CNTN5: variants seen among roughly 807,000 people sequenced by gnomAD.
The protein encoded by CNTN5 is contactin 5.
Under a neutral mutation model 129.1 loss-of-function variants are expected in CNTN5, and 77 were observed. The ratio of observed to expected loss-of-function variants is 0.60; its 90% CI spans 0.50 to 0.72. CNTN5 has a LOEUF of 0.72. Among genes scored for constraint, CNTN5 ranks in the 30% least tolerant of loss-of-function variants. CNTN5 has a pLI of 0.00. For synonymous variants in CNTN5, 509 were observed against 465.6 expected, an observed-to-expected ratio of 1.09 and a Z score of -1.20; for missense variants, 1,478 against 1,328.8, an observed-to-expected ratio of 1.11 and a Z score of -1.75.
chr11:99,534,529 G>A (rs10790776), intron 2 of CNTN5, among the ~76,000 whole-genome samples: 37,751 of 151,962 alleles, frequency 0.25, 5,160 homozygotes, highest in Non-Finnish European at 0.31. Context: ...TAATTTGATG[G>A]ACAATTTATG....
chr11:99,090,795 G>C (rs562522212), intron 1 of CNTN5, among the ~76,000 whole-genome samples: 4 of 151,526 alleles, frequency 2.6e-5, no homozygotes, highest in Non-Finnish European at 5.9e-5. Context: ...GACCGAGGCG[G>C]GCGGATCACG....
chr11:99,330,588 A>G (rs11821228), intron 2 of CNTN5, among the ~76,000 whole-genome samples: 10,511 of 152,156 alleles, frequency 0.069, 1,010 homozygotes, highest in African/African-American at 0.22. Flanking sequence ...ACCTGTTAGC[A>G]GGATTCATGA....
At chr11:100,341,281 C>T (rs1952155431) in intron 23 of CNTN5, 76 bp downstream of exon 23, 1 of 1,056,672 alleles carries the variant, frequency 9.5e-7, no homozygotes, top group African/African-American at 1.6e-5. Context: ...ATTAATAAGG[C>T]ATAAAAAGAC....
chr11:99,145,262 G>C (rs1011601724), intron 1 of CNTN5, among the ~76,000 whole-genome samples: 2 of 151,966 alleles, frequency 1.3e-5, no homozygotes, highest in African/African-American at 2.4e-5. Flanking sequence ...TAGAGATCAG[G>C]TATCACTATG....
Position 100,339,039 on chromosome 11 carries a change from T to C in CNTN5, c.2731-1424T>C, listed in dbSNP as rs114248969. On this transcript the variant is annotated intron_variant, in intron 21 of 24. Coordinates refer to ENST00000524871, the MANE Select transcript of CNTN5 (RefSeq NM_014361.4). ...GCTCAACTGACAGGAGCAAGCTCTG[T>C]GCAGGGCCTGCGGCAGTGCCCAGGT... Among the ~76,000 whole-genome samples the C allele has an allele frequency of 8.0e-3, 1,211 of 151,948 alleles. 10 individuals are homozygous for C. Among genetic ancestry groups the C allele is most frequent in the African/African-American group, 0.028 (1,163 of 41,440 alleles).
intron 1 of CNTN5, among the ~76,000 whole-genome samples, chr11:99,155,910 C>T (rs758803851): frequency 1.3e-4 from 20 of 151,906 alleles, no homozygotes; most frequent in East Asian, 1.9e-4. Context: ...AGAGGAAGAA[C>T]GACTATATTA....
chr11:99,884,921 C>G (rs1411201987), intron 6 of CNTN5, among the ~76,000 whole-genome samples: 1 of 151,998 alleles, frequency 6.6e-6, no homozygotes, highest in African/African-American at 2.4e-5. Flanking sequence ...AGGTTGCAGT[C>G]AGCCGATGTA....
chr11:99,805,497 A>G (rs1440462719), intron 3 of CNTN5, among the ~76,000 whole-genome samples: 1 of 152,178 alleles, frequency 6.6e-6, no homozygotes. Context: ...TGTTAATTGA[A>G]CTATTTTCAG....
rs181877067 is a variant in CNTN5 at position 100,159,305 on chromosome 11, T to G, written c.1581-31821T>G. On this transcript the variant is annotated intron_variant, in intron 13 of 24. Coordinates refer to ENST00000524871, the MANE Select transcript of CNTN5 (RefSeq NM_014361.4). ...CCAATGTTCTAGCTCCTCACCTTCATAATGATTACATAGGTGTTCCCTTCA... is the reference window on the plus strand; with the variant it reads ...CCAATGTTCTAGCTCCTCACCTTCAGAATGATTACATAGGTGTTCCCTTCA... 2.8e-4 allele frequency among the ~76,000 whole-genome samples: 42 copies of G among 152,014 alleles called. No homozygotes were observed. The East Asian group carries it at 8.0e-3, about 29-fold the overall frequency.
At chr11:99,632,555 A>T (rs191304180) in intron 3 of CNTN5, among the ~76,000 whole-genome samples, 977 of 152,204 alleles carry the variant, frequency 6.4e-3, no homozygotes, top group Non-Finnish European at 0.01. Context: ...TGTACCCCAA[A>T]TTGATTTTTA....
intron 3 of CNTN5, among the ~76,000 whole-genome samples, chr11:99,763,805 T>C (rs1176790200): frequency 6.6e-6 from 1 of 152,020 alleles, no homozygotes; most frequent in African/African-American, 2.4e-5. Context: ...ATTGTGTGTG[T>C]AGAGAAATAG....
In CNTN5 at chr11:99,096,730, AT is replaced by A. The variant is rs1172498918; in HGVS notation, c.-210+75468del. On this transcript the variant is annotated intron_variant, in intron 1 of 24. Transcript: ENST00000524871. ...CTTTCTTTTGCACAAAAGCATTCCA[AT>A]TTTTTTTCAGTCAAGGCATTCAAAA... Among the ~76,000 whole-genome samples the A allele has an allele frequency of 3.0e-4, 45 of 151,506 alleles. No homozygotes were observed. In the South Asian group the frequency reaches 8.5e-3, roughly 29 times the overall value.
chr11:99,183,434 G>A (rs918612968), intron 1 of CNTN5, among the ~76,000 whole-genome samples: 6 of 152,118 alleles, frequency 3.9e-5, no homozygotes, highest in Admixed American at 3.3e-4. Flanking sequence ...TGCTGAGTCA[G>A]ATGACTCTTT....
chr11:100,086,806 G>C (rs953995221), intron 13 of CNTN5, among the ~76,000 whole-genome samples: 3 of 151,278 alleles, frequency 2.0e-5, no homozygotes, highest in African/African-American at 7.3e-5. Context: ...ATACAAGAAG[G>C]AATATAAAAA....
intron 3 of CNTN5, among the ~76,000 whole-genome samples, chr11:99,584,525 C>T (rs1212239176): frequency 6.6e-6 from 1 of 152,140 alleles, no homozygotes; most frequent in African/African-American, 2.4e-5. Context: ...ATTCGGGAGC[C>T]ATGGCTTACA....
At chr11:99,630,781 C>T (rs1247013836) in intron 3 of CNTN5, among the ~76,000 whole-genome samples, 2 of 152,098 alleles carry the variant, frequency 1.3e-5, no homozygotes, top group African/African-American at 4.8e-5. Flanking sequence ...TAATTATTTA[C>T]CATGTCAAAG....
intron 6 of CNTN5, among the ~76,000 whole-genome samples, chr11:99,856,376 C>G (rs1037801159): frequency 6.6e-6 from 1 of 152,156 alleles, no homozygotes; most frequent in Non-Finnish European, 1.5e-5. Context: ...AGATTAGATA[C>G]ACCTTATCTT....
chr11:100,296,095 C>G (rs972417700), intron 18 of CNTN5, among the ~76,000 whole-genome samples: 1 of 151,244 alleles, frequency 6.6e-6, no homozygotes, highest in Admixed American at 6.6e-5. Flanking sequence ...AATTTGGATC[C>G]CTGTCCTTTT....
chr11:99,960,570 T>G (rs562643955), intron 8 of CNTN5, among the ~76,000 whole-genome samples: 1 of 152,256 alleles, frequency 6.6e-6, no homozygotes, highest in Admixed American at 6.5e-5. Flanking sequence ...TCATACTAAC[T>G]GAAACTTTGA....
Sources: allele counts gnomAD v4.1 joint callset (sites outside exome capture counted in the v4.1 genomes callset), GRCh38; gene constraint gnomAD v4.1.1; transcripts MANE v1.5; gene names NCBI Gene and HGNC (gene_info 2026-07-23, HGNC 2026-07-21).